Variants in WWOX observed in about 807,000 individuals in gnomAD.
The protein encoded by WWOX is WW domain-containing oxidoreductase.
Under a neutral mutation model 46.2 loss-of-function variants are expected in WWOX, and 69 were observed. That is an observed-to-expected ratio of 1.49 (90% CI 1.23 to 1.82). The LOEUF (loss-of-function observed/expected upper bound fraction) is 1.82, where lower values mean the gene tolerates loss of function less well. Among genes scored for constraint, WWOX ranks in the 40% most tolerant of loss-of-function variants. WWOX has a pLI of 0.00. For missense variants in WWOX, 919 were observed against 542.6 expected, an observed-to-expected ratio of 1.69 and a Z score of -6.89; for synonymous variants, 359 against 202.6, an observed-to-expected ratio of 1.77 and a Z score of -6.56.
At chr16:78,870,174 C>T (rs1047319285) in intron 8 of WWOX, among the ~76,000 whole-genome samples, 1 of 152,178 alleles carries the variant, frequency 6.6e-6, no homozygotes, top group Non-Finnish European at 1.5e-5. Flanking sequence ...GTCTCCTAAC[C>T]CTAAGATCCT....
At chr16:78,786,434 TAAC>T (rs2050457949) in intron 8 of WWOX, among the ~76,000 whole-genome samples, 1 of 152,206 alleles carries the variant, frequency 6.6e-6, no homozygotes, top group East Asian at 1.9e-4. Flanking sequence ...AGAGCATAGG[TAAC>T]AGTAAAATGT....
chr16:78,602,408 A>G (rs575880895), intron 8 of WWOX, among the ~76,000 whole-genome samples: 11 of 152,072 alleles, frequency 7.2e-5, no homozygotes, highest in African/African-American at 2.7e-4. Flanking sequence ...AATTTTTTAT[A>G]TTTTTAGTGG....
At chr16:78,134,575 A>G (rs953262352) in intron 4 of WWOX, among the ~76,000 whole-genome samples, 1 of 152,094 alleles carries the variant, frequency 6.6e-6, no homozygotes, top group African/African-American at 2.4e-5. Flanking sequence ...TAATTTCTGT[A>G]CATCAATATC....
intron 8 of WWOX, among the ~76,000 whole-genome samples, chr16:78,485,457 T>G (rs1216808690): frequency 6.6e-6 from 1 of 152,206 alleles, no homozygotes; most frequent in Non-Finnish European, 1.5e-5. Context: ...AAACTCTCTT[T>G]CTTCCTCCCG....
chr16:78,216,234 C>T (rs116675431), intron 5 of WWOX, among the ~76,000 whole-genome samples: 6 of 151,964 alleles, frequency 3.9e-5, no homozygotes, highest in Admixed American at 3.3e-4. Flanking sequence ...ATAATAGATA[C>T]AATTTTTTGG....
At chr16:78,909,419 A>G (rs1468913589) in intron 8 of WWOX, among the ~76,000 whole-genome samples, 2 of 152,226 alleles carry the variant, frequency 1.3e-5, no homozygotes, top group Admixed American at 6.5e-5. Context: ...TAAACCCCAC[A>G]GAAACAAGGA....
chr16:78,529,190 A>C (rs2043558923), intron 8 of WWOX, among the ~76,000 whole-genome samples: 1 of 151,960 alleles, frequency 6.6e-6, no homozygotes, highest in Non-Finnish European at 1.5e-5. Context: ...CCTGGCCTCA[A>C]AGGATCCTCC....
chr16:78,957,940 C>G lies in WWOX; in HGVS notation c.1057-253668C>G, dbSNP rs551797907. 3.3e-5 allele frequency among the ~76,000 whole-genome samples: 5 copies of G among 152,326 alleles called. No homozygotes were observed. In the South Asian group the frequency reaches 1.0e-3, roughly 32 times the overall value. ...GCAACAACTCAATTCACTGTCACCACATCAGCACATTTGCTGCAAATCTCA... is the reference window on the plus strand; with the variant it reads ...GCAACAACTCAATTCACTGTCACCAGATCAGCACATTTGCTGCAAATCTCA... On this transcript the variant is annotated intron_variant, in intron 8 of 8. Coordinates refer to ENST00000566780, the MANE Select transcript of WWOX (RefSeq NM_016373.4).
chr16:79,167,597 G>A (rs1367186681), intron 8 of WWOX, among the ~76,000 whole-genome samples: 3 of 152,114 alleles, frequency 2.0e-5, no homozygotes, highest in Non-Finnish European at 4.4e-5. Flanking sequence ...TTAAGGCAGC[G>A]AAGCGAATGC....
intron 8 of WWOX, among the ~76,000 whole-genome samples, chr16:78,787,675 A>T (rs1055858704): frequency 6.6e-6 from 1 of 152,112 alleles, no homozygotes; most frequent in Non-Finnish European, 1.5e-5. Flanking sequence ...ATTCTTGGGC[A>T]TATTTTGGGG....
chr16:78,616,311 CA>C (rs2046023691), intron 8 of WWOX, among the ~76,000 whole-genome samples: 1 of 151,908 alleles, frequency 6.6e-6, no homozygotes, highest in South Asian at 2.1e-4. Flanking sequence ...AATATATAAA[CA>C]ACGGAAATGT....
At chr16:78,945,063 G>T (rs569871487) in intron 8 of WWOX, among the ~76,000 whole-genome samples, 1 of 152,014 alleles carries the variant, frequency 6.6e-6, no homozygotes, top group Non-Finnish European at 1.5e-5. Flanking sequence ...ACCTGTAGTC[G>T]CAGGTACTTG....
At chr16:78,966,055 A>G (rs1246675296) in intron 8 of WWOX, among the ~76,000 whole-genome samples, 1 of 152,198 alleles carries the variant, frequency 6.6e-6, no homozygotes, top group Non-Finnish European at 1.5e-5. Context: ...AATTTTGGAT[A>G]CACTGTGTGA....
chr16:78,463,427 G>A (rs1050382492), intron 8 of WWOX, among the ~76,000 whole-genome samples: 2 of 152,118 alleles, frequency 1.3e-5, no homozygotes, highest in Admixed American at 6.5e-5. Flanking sequence ...TCCATGCCTC[G>A]CAGCAAAATT....
intron 6 of WWOX, among the ~76,000 whole-genome samples, chr16:78,419,338 C>G (rs1368558796): frequency 6.6e-6 from 1 of 152,004 alleles, no homozygotes; most frequent in Non-Finnish European, 1.5e-5. Flanking sequence ...CCAAAACAAG[C>G]TTGAAAAAGA....
intron 8 of WWOX, among the ~76,000 whole-genome samples, chr16:78,509,078 T>A (rs376565373): frequency 2.6e-5 from 4 of 152,254 alleles, no homozygotes; most frequent in Admixed American, 6.5e-5. Flanking sequence ...GGGCACTGTT[T>A]CCAGTGTGCA....
chr16:78,606,726 T>G (rs1327691214), intron 8 of WWOX, among the ~76,000 whole-genome samples: 1 of 148,980 alleles, frequency 6.7e-6, no homozygotes, highest in African/African-American at 2.5e-5. Context: ...CAGTTTTTTT[T>G]TTTTTTTTTT....
At position 78,587,686 on chromosome 16, in the gene WWOX, G is replaced by T. The variant is rs770834910; in HGVS notation, c.1056+154934G>T. On this transcript the variant is annotated intron_variant, in intron 8 of 8. Transcript: ENST00000566780. ...TGGAGGGAGTGAAGTGACCCAGATA[G>T]GGAGGTGCTTGATGGCTTGACTGTG... Among the ~76,000 whole-genome samples, 4 of 152,128 alleles carry T rather than the reference G, an allele frequency of 2.6e-5. No individual in the cohort carries two copies. The East Asian group carries it at 7.7e-4, about 29-fold the overall frequency.
intron 8 of WWOX, among the ~76,000 whole-genome samples, chr16:78,852,074 G>C (rs1485158040): frequency 6.6e-6 from 1 of 152,140 alleles, no homozygotes; most frequent in Non-Finnish European, 1.5e-5. Context: ...TCTTCAAGAT[G>C]ACTTTTCATT....
Sources: gnomAD v4.1 joint callset for allele counts (sites outside exome capture counted in the v4.1 genomes callset) on GRCh38, gnomAD v4.1.1 for gene constraint, MANE v1.5 for transcripts, NCBI Gene and HGNC (gene_info 2026-07-23, HGNC 2026-07-21) for gene names.